Variants in MAP6 observed in about 807,000 individuals in gnomAD.
MAP6 encodes microtubule associated protein 6.
In MAP6, 26 loss-of-function variants were observed where a neutral mutation model predicts 42.4. The ratio of observed to expected loss-of-function variants is 0.61; its 90% confidence interval spans 0.45 to 0.85. MAP6 has a LOEUF of 0.85. Ranked by LOEUF, MAP6 falls within the 40% of genes least tolerant of loss-of-function variation. The probability of loss-of-function intolerance (pLI) is 0.00; values close to 1 mark genes in which losing one functional copy is unlikely to be tolerated. For synonymous variants in MAP6, 418 were observed against 443.8 expected (o/e 0.94, Z 0.73); for missense variants, 966 against 1,099.0 (o/e 0.88, Z 1.71).
intron 1 of MAP6, among the ~76,000 whole-genome samples, chr11:75,611,907 G>A (rs932882075): frequency 6.6e-6 from 1 of 152,280 alleles, no homozygotes; most frequent in Non-Finnish European, 1.5e-5. Flanking sequence ...AAATAGCAGA[G>A]TTGGGGTCTG....
chr11:75,639,303 AAAGTT>A, intron 1 of MAP6, among the ~76,000 whole-genome samples: 1 of 152,352 alleles, frequency 6.6e-6, no homozygotes, highest in Non-Finnish European at 1.5e-5. Context: ...TATAAAAACA[AAAGTT>A]AAAAAATATA....
At chr11:75,594,522 G>A (rs538736537) in intron 3 of MAP6, 1 of 152,250 alleles carries the variant, frequency 6.6e-6, no homozygotes, top group South Asian at 2.1e-4. Flanking sequence ...GGACTCTGTG[G>A]GAGTGTCTCT....
At chr11:75,621,566 T>C (rs972716856) in intron 1 of MAP6, among the ~76,000 whole-genome samples, 3 of 152,122 alleles carry the variant, frequency 2.0e-5, no homozygotes, top group Non-Finnish European at 4.4e-5. Flanking sequence ...GCATACAGAT[T>C]AGAAAAGAAG....
At chr11:75,607,531 G>T in intron 2 of MAP6, 2 of 985,432 alleles carry the variant, frequency 2.0e-6, no homozygotes, top group Non-Finnish European at 2.4e-6. Context: ...TGTTCATTTT[G>T]GTAACAAATG....
rs536091293 is a variant in MAP6, at chr11:75,638,258, T to C, written c.905+29207A>G. On this transcript the variant is annotated intron_variant, in intron 1 of 3. Coordinates refer to ENST00000304771, the MANE Select transcript of MAP6 (RefSeq NM_033063.2). ...TCAAGATAATATACAACTAAATGAA[T>C]TGATTAGAAACAGAACTCATCTAGA... Among the ~76,000 whole-genome samples the C allele has an allele frequency of 2.6e-5, 4 of 152,276 alleles. No individual in the cohort carries two copies. The South Asian group carries it at 8.3e-4, about 32-fold the overall frequency.
intron 2 of MAP6, chr11:75,607,086 A>G (rs1942793159): frequency 3.2e-6 from 1 of 311,254 alleles, no homozygotes; most frequent in African/African-American, 2.3e-5. Context: ...GCTTTCAGTC[A>G]CTCCTGACCT....
chr11:75,644,735 C>T (rs1943527248), intron 1 of MAP6, among the ~76,000 whole-genome samples: 1 of 152,060 alleles, frequency 6.6e-6, no homozygotes, highest in Non-Finnish European at 1.5e-5. Flanking sequence ...AAGGCAGAGA[C>T]AATATTGTCA....
chr11:75,666,369 A>G (rs988463225), intron 1 of MAP6, among the ~76,000 whole-genome samples: 1 of 152,232 alleles, frequency 6.6e-6, no homozygotes, highest in Admixed American at 6.5e-5. Flanking sequence ...GCTGCAGCAG[A>G]GGGAAAATTC....
rs145360767 is a variant in MAP6 at position 75,608,133 on chromosome 11, G to T, written c.1095C>A (p.Ser365Arg). 3.4e-5 allele frequency: 55 copies of T among 1,614,004 alleles called. No individual in the cohort carries two copies. Among genetic ancestry groups the T allele is most frequent in the Non-Finnish European group, 4.6e-5 (54 of 1,180,018 alleles). The change falls in exon 2 of 4, where the codon AGC (serine) becomes AGA (arginine). Residue 365 changes from serine (S) to arginine (R), a missense_variant. Physicochemically the swap from Ser to Arg is moderately radical, Grantham distance 110 (BLOSUM62 -1). This residue lies in a region of MAP6 where 943 missense variants were observed against 1,049.9 expected (regional missense o/e 0.90). Coordinates refer to ENST00000304771, the MANE Select transcript of MAP6 (RefSeq NM_033063.2). ...CCTTTGGGGGTTCCTTGAAGGGTTC[G>T]CTGTAGAGGCTGCGTATTCTTCTGC... is the stretch of plus-strand genomic sequence containing the variant. ...IDRRRIRSLY[S>R]EPFKEPPKVE...
At chr11:75,647,440 A>G (rs1943579878) in intron 1 of MAP6, among the ~76,000 whole-genome samples, 1 of 151,764 alleles carries the variant, frequency 6.6e-6, no homozygotes, top group African/African-American at 2.4e-5. Context: ...ACAGAAATGC[A>G]TCGAAAAGGA....
At chr11:75,589,305 CA>C (rs1162071605) in intron 3 of MAP6, among the ~76,000 whole-genome samples, 2 of 152,194 alleles carry the variant, frequency 1.3e-5, no homozygotes, top group African/African-American at 4.8e-5. Flanking sequence ...CACTAACACT[CA>C]AAGGCAAGCA....
chr11:75,633,602 G>A (rs1176619718), intron 1 of MAP6, among the ~76,000 whole-genome samples: 1 of 152,160 alleles, frequency 6.6e-6, no homozygotes, highest in African/African-American at 2.4e-5. Context: ...AATAATAAAG[G>A]TGACAGAGAG....
chr11:75,613,499 C>T (rs479150), intron 1 of MAP6, among the ~76,000 whole-genome samples: 32,347 of 152,010 alleles, frequency 0.21, 3,500 homozygotes, highest in South Asian at 0.29. Context: ...CCTGACATCC[C>T]AGAGATGCTC....
chr11:75,648,322 C>T (rs1001563597), intron 1 of MAP6, among the ~76,000 whole-genome samples: 25 of 152,240 alleles, frequency 1.6e-4, no homozygotes, highest in African/African-American at 5.1e-4. Context: ...AGTGAGACCT[C>T]GTCTCTACCA....
At chr11:75,603,898 T>C in intron 3 of MAP6, 1 of 985,518 alleles carries the variant, frequency 1.0e-6, no homozygotes, top group Non-Finnish European at 1.2e-6. Context: ...GTCTGACTAA[T>C]GCCAAATCTT....
At chr11:75,593,859 G>GT (rs1942526323) in intron 3 of MAP6, among the ~76,000 whole-genome samples, 1 of 152,182 alleles carries the variant, frequency 6.6e-6, no homozygotes, top group African/African-American at 2.4e-5. Context: ...CTGGGCTTGA[G>GT]GCCCAGAGAG....
At chr11:75,598,053 G>A (rs1942612301) in intron 3 of MAP6, among the ~76,000 whole-genome samples, 1 of 152,186 alleles carries the variant, frequency 6.6e-6, no homozygotes, top group Admixed American at 6.5e-5. Flanking sequence ...TGGGAATCAG[G>A]TATCCCTTGC....
chr11:75,588,349 C>T (rs541582622), intron 3 of MAP6, among the ~76,000 whole-genome samples, 165 bp from the exon 4 acceptor site: 31 of 70,502 alleles, frequency 4.4e-4, no homozygotes, highest in African/African-American at 1.5e-3. Flanking sequence ...AGAATGTGGG[C>T]GGGGGTGAGG....
intron 3 of MAP6, among the ~76,000 whole-genome samples, chr11:75,591,215 C>A (rs934076052): frequency 4.6e-5 from 7 of 152,058 alleles, no homozygotes; most frequent in African/African-American, 1.7e-4. Context: ...TATTTTTAAT[C>A]TTAATTTATT....
Sources: gnomAD v4.1 joint callset for allele counts (sites outside exome capture counted in the v4.1 genomes callset) on GRCh38, gnomAD v4.1.1 for gene constraint, gnomAD v4.1.1 regional missense constraint, MANE v1.5 for transcripts, NCBI Gene and HGNC (gene_info 2026-07-23, HGNC 2026-07-21) for gene names.